Variants in RUNX1T1 observed in about 807,000 individuals in gnomAD.
The protein encoded by RUNX1T1 is RUNX1 partner transcriptional co-repressor 1, also known as protein CBFA2T1.
A neutral mutation model predicts 62.8 loss-of-function variants in RUNX1T1; 4 were observed. The observed-to-expected ratio is 0.06, with a 90% CI of 0.03 to 0.15. RUNX1T1 has a LOEUF of 0.15. RUNX1T1 is among the 10% of genes least tolerant of loss of function. The pLI, the probability that RUNX1T1 is intolerant of heterozygous loss-of-function variation, is 1.00. For missense variants in RUNX1T1, 508 were observed against 754.3 expected (o/e 0.67, Z 3.82); for synonymous variants, 291 against 286.0 (o/e 1.02, Z -0.18).
intron 1 of RUNX1T1, among the ~76,000 whole-genome samples, chr8:92,053,378 G>A (rs1450699404): frequency 6.6e-6 from 1 of 152,130 alleles, no homozygotes; most frequent in Non-Finnish European, 1.5e-5. Context: ...TCCACTAGGT[G>A]ACAAGAATGA....
chr8:91,997,805 G>T (rs1285173943), intron 5 of RUNX1T1, among the ~76,000 whole-genome samples: 1 of 152,064 alleles, frequency 6.6e-6, no homozygotes, highest in Non-Finnish European at 1.5e-5. Context: ...GCCCAGCCAA[G>T]TCCCATCCCT....
At chr8:92,081,133 C>T (rs1014974503) in intron 1 of RUNX1T1, 11 of 228,926 alleles carry the variant, frequency 4.8e-5, no homozygotes, top group Non-Finnish European at 7.2e-5. Flanking sequence ...TTGGACAAGT[C>T]ACTTAACCTC....
At chr8:91,998,521 C>T (rs889526696) in intron 5 of RUNX1T1, among the ~76,000 whole-genome samples, 15 of 152,160 alleles carry the variant, frequency 9.9e-5, no homozygotes, top group Non-Finnish European at 1.9e-4. Flanking sequence ...TGGATACGTG[C>T]CACTCCAGAC....
intron 3 of RUNX1T1, among the ~76,000 whole-genome samples, chr8:92,012,725 G>A (rs1405408668): frequency 6.7e-6 from 1 of 149,662 alleles, no homozygotes; most frequent in African/African-American, 2.5e-5. Flanking sequence ...TTGCCCATGT[G>A]TCAAATGTGT....
intron 1 of RUNX1T1, among the ~76,000 whole-genome samples, chr8:92,025,601 C>T (rs528194330): frequency 6.6e-6 from 1 of 152,296 alleles, no homozygotes; most frequent in South Asian, 2.1e-4. Context: ...GGGTTTGTCC[C>T]AAGTTCTCAT....
At chr8:92,045,066 A>G (rs1712755598) in intron 1 of RUNX1T1, among the ~76,000 whole-genome samples, 1 of 145,952 alleles carries the variant, frequency 6.9e-6, no homozygotes, top group Non-Finnish European at 1.5e-5. Context: ...CACTGGCTCT[A>G]CAAAAAAAAA....
Position 92,076,024 on chromosome 8 carries a change from C to T in RUNX1T1, c.29G>A (p.Arg10Lys), listed in dbSNP as rs544158577. 1.9e-6 allele frequency: 3 copies of T among 1,611,138 alleles called. No homozygotes were observed. The Admixed American group carries it at 5.0e-5, about 27-fold the overall frequency. Reference sequence around the variant, plus strand: ...GTCACCTATTACTAAACTCAGTGCTCTCCAAGTGTTTCTTTTGACAGATAT... The same window carrying T: ...GTCACCTATTACTAAACTCAGTGCTTTCCAAGTGTTTCTTTTGACAGATAT... The change falls in exon 2 of 12, where the codon AGA (arginine) becomes AAA (lysine). Residue 10 changes from arginine (R) to lysine (K), a missense_variant. Physicochemically the swap from Arg to Lys is conservative, Grantham distance 26. Transcript: ENST00000265814.
upstream of RUNX1T1, among the ~76,000 whole-genome samples, chr8:92,102,404 A>G (rs551248335): frequency 7.9e-4 from 120 of 151,420 alleles, 1 homozygote; most frequent in African/African-American, 2.8e-3. The surrounding 1 kb of genome is among the most constrained non-coding windows in gnomAD (Gnocchi z 4.5). Context: ...CTTTGCTTCC[A>G]GTTTACAGAA....
At chr8:92,081,553 TA>T (rs1481701396) in intron 1 of RUNX1T1, among the ~76,000 whole-genome samples, 4 of 150,768 alleles carry the variant, frequency 2.7e-5, no homozygotes, top group African/African-American at 7.3e-5. Context: ...TTTTTTTTTT[TA>T]AATCTAATTT....
intron 1 of RUNX1T1, among the ~76,000 whole-genome samples, chr8:92,034,116 G>A (rs1826803436): frequency 6.6e-6 from 1 of 152,112 alleles, no homozygotes; most frequent in Non-Finnish European, 1.5e-5. Context: ...TGGAGCACAA[G>A]AAAGCCCGTG....
chr8:91,968,452 AT>A (rs900086645), intron 10 of RUNX1T1, among the ~76,000 whole-genome samples: 1 of 152,120 alleles, frequency 6.6e-6, no homozygotes, highest in Non-Finnish European at 1.5e-5. Flanking sequence ...AAACAGAACA[AT>A]CCATAAAATA....
rs1351800796 is a variant in RUNX1T1, at chr8:92,068,043, AT to A, written c.88+7921del. Among the ~76,000 whole-genome samples the A allele has an allele frequency of 5.3e-5, 8 of 152,310 alleles. No homozygotes were observed. In the East Asian group the frequency reaches 1.2e-3, roughly 22 times the overall value. On this transcript the variant is annotated intron_variant, in intron 2 of 11. Coordinates refer to the RUNX1T1 transcript ENST00000265814. Reference sequence around the variant, plus strand: ...TAGCAAGGGGTTAAATTATGTTAAAATTTTTTAAGTAAAACACTTCCTTATT... The same window carrying A: ...TAGCAAGGGGTTAAATTATGTTAAAATTTTTAAGTAAAACACTTCCTTATT...
exon 3 of RUNX1T1, chr8:92,014,786 C>T (rs757554284): frequency 6.2e-7 from 1 of 1,613,492 alleles, no homozygotes; most frequent in Non-Finnish European, 8.5e-7. Flanking sequence ...GGGCGCCATT[C>T]AAGGCTGTAG....
At chr8:91,969,497 C>T (rs78836213) in intron 10 of RUNX1T1, among the ~76,000 whole-genome samples, 1 of 49,108 alleles carries the variant, frequency 2.0e-5, no homozygotes, top group African/African-American at 7.4e-5. Context: ...AAATAAAAAA[C>T]ATAAAGTCCT....
At chr8:91,963,386 A>G (rs1810934405) in intron 10 of RUNX1T1, among the ~76,000 whole-genome samples, 1 of 152,372 alleles carries the variant, frequency 6.6e-6, no homozygotes, top group South Asian at 2.1e-4. Flanking sequence ...TTGACATTGC[A>G]TTGCAGTGAA....
intron 1 of RUNX1T1, among the ~76,000 whole-genome samples, chr8:92,039,403 A>C (rs1411553841): frequency 1.3e-5 from 2 of 152,162 alleles, no homozygotes; most frequent in Admixed American, 1.3e-4. Flanking sequence ...TGTTTTAACA[A>C]TACCTGACTC....
At chr8:91,974,512 T>C (rs1389587263) in intron 9 of RUNX1T1, among the ~76,000 whole-genome samples, 1 of 152,106 alleles carries the variant, frequency 6.6e-6, no homozygotes, top group East Asian at 1.9e-4. Flanking sequence ...AAGTCACCCT[T>C]CTTCTGTCCA....
At chr8:92,020,258 C>T (rs1294696110) in intron 1 of RUNX1T1, among the ~76,000 whole-genome samples, 2 of 152,088 alleles carry the variant, frequency 1.3e-5, no homozygotes, top group Non-Finnish European at 2.9e-5. Flanking sequence ...GTATGCTGAG[C>T]CCTGTTGCAT....
chr8:92,095,612 G>A, intron 1 of RUNX1T1: 2 of 1,389,178 alleles, frequency 1.4e-6, no homozygotes, highest in African/African-American at 1.5e-5. Context: ...GGGAGGAAAA[G>A]TGGGAGAGAG....
Sources: allele counts gnomAD v4.1 joint callset (sites outside exome capture counted in the v4.1 genomes callset), GRCh38; gene constraint gnomAD v4.1.1; non-coding constraint Gnocchi (gnomAD v3.1); transcripts MANE v1.5; gene names NCBI Gene and HGNC (gene_info 2026-07-23, HGNC 2026-07-21).